ALCAM: variants seen among roughly 807,000 people sequenced by gnomAD.
ALCAM encodes CD166 antigen.
In ALCAM, 30 loss-of-function variants were observed where a neutral mutation model predicts 70.9. That is an observed-to-expected ratio of 0.42 (90% confidence interval 0.32 to 0.57). The LOEUF is 0.57. Ranked by LOEUF, ALCAM falls within the 20% of genes least tolerant of loss-of-function variation. ALCAM has a pLI of 0.11. For synonymous variants in ALCAM, 249 were observed against 242.5 expected (o/e 1.03, Z -0.25); for missense variants, 591 against 695.1 (o/e 0.85, Z 1.68).
At position 105,571,370 on chromosome 3, in the gene ALCAM, T is replaced by G. The variant is rs117583425; in HGVS notation, c.1665-482T>G. ...ATAAACTTGGTCTCAATAATCTGGTTGTTGTTGTATTCAGTAAAACAGAAT... is the reference window on the plus strand; with the variant it reads ...ATAAACTTGGTCTCAATAATCTGGTGGTTGTTGTATTCAGTAAAACAGAAT... On this transcript the variant is annotated intron_variant, in intron 14 of 15. Transcript: ENST00000306107. Among the ~76,000 whole-genome samples, 105 of 152,298 alleles carry G rather than the reference T, an allele frequency of 6.9e-4. 1 individual carries two copies. The East Asian group carries it at 0.019, about 27-fold the overall frequency.
chr3:105,552,063 C>A, intron 12 of ALCAM, 81 bp from the exon 13 acceptor site: 2 of 943,000 alleles, frequency 2.1e-6, no homozygotes, highest in Non-Finnish European at 3.1e-6. Flanking sequence ...AGTATTATTA[C>A]ATCATACTAT....
chr3:105,381,406 A>G (rs1935515968), intron 1 of ALCAM, among the ~76,000 whole-genome samples: 1 of 151,862 alleles, frequency 6.6e-6, no homozygotes, highest in South Asian at 2.1e-4. Context: ...GAGTGATGTC[A>G]TGTTTTTATG....
At chr3:105,404,675 G>GAAA (rs34622350) in intron 1 of ALCAM, among the ~76,000 whole-genome samples, 5 of 147,404 alleles carry the variant, frequency 3.4e-5, no homozygotes, top group African/African-American at 5.0e-5. Context: ...ATAACACAAT[G>GAAA]AAAAAAAAAA....
Position 105,552,604 on chromosome 3 carries a change from ATCT to A in ALCAM, c.1664+22_1664+24del, listed in dbSNP as rs1940436394. On this transcript the variant is annotated intron_variant, in intron 14 of 15. Transcript: ENST00000306107. ...AGTCAAAGTGAGTTGTGGAAAAAAG[ATCT>A]TCATCGTTCATTGACTTTCACTGGG... 6.2e-7 allele frequency: 1 copy of A among 1,610,698 alleles called. No individual in the cohort carries two copies. Among genetic ancestry groups the A allele is most frequent in the South Asian group, 1.1e-5 (1 of 90,982 alleles).
chr3:105,444,965 C>T (rs1461552190), intron 1 of ALCAM, among the ~76,000 whole-genome samples: 1 of 152,062 alleles, frequency 6.6e-6, no homozygotes, highest in African/African-American at 2.4e-5. Context: ...ATCCAGGAGA[C>T]AATCAACAGT....
rs558317215 is a variant in ALCAM, at chr3:105,541,966, T to C, written c.991+201T>C. Among the ~76,000 whole-genome samples, 39 of 152,062 alleles carry C rather than the reference T, an allele frequency of 2.6e-4. No homozygotes were observed. The South Asian group carries it at 4.3e-3, about 17-fold the overall frequency. ...ATATTGAAACCTTGCATGGCTCTGA[T>C]AACCGCAACTTTTGGCAGTGGTACA... On this transcript the variant is annotated intron_variant, in intron 8 of 15. Coordinates refer to ENST00000306107, the MANE Select transcript of ALCAM (RefSeq NM_001627.4).
chr3:105,532,604 G>A (rs575246449), intron 4 of ALCAM, among the ~76,000 whole-genome samples: 4 of 152,070 alleles, frequency 2.6e-5, no homozygotes, highest in South Asian at 4.2e-4. Context: ...GCCAGACCCT[G>A]TGTAGAAAAA....
chr3:105,546,336 T>C (rs1940246720), intron 9 of ALCAM, among the ~76,000 whole-genome samples: 1 of 151,458 alleles, frequency 6.6e-6, no homozygotes, highest in African/African-American at 2.4e-5. Context: ...AATTATTTTG[T>C]ATTGCTTTAC....
At chr3:105,475,834 T>A (rs1432427377) in intron 1 of ALCAM, among the ~76,000 whole-genome samples, 1 of 152,052 alleles carries the variant, frequency 6.6e-6, no homozygotes, top group Admixed American at 6.6e-5. Flanking sequence ...ATCATGCTCT[T>A]AAATGTCCCA....
intron 1 of ALCAM, among the ~76,000 whole-genome samples, chr3:105,432,966 A>T (rs1305447739): frequency 6.6e-6 from 1 of 152,180 alleles, no homozygotes; most frequent in Admixed American, 6.6e-5. Flanking sequence ...TATCAACACT[A>T]AAAAGATTTT....
chr3:105,385,782 G>A (rs1051116823), intron 1 of ALCAM, among the ~76,000 whole-genome samples: 3 of 151,556 alleles, frequency 2.0e-5, no homozygotes, highest in African/African-American at 7.3e-5. Flanking sequence ...AATTGTATTT[G>A]TCTGCTTAAT....
In ALCAM at chr3:105,547,446, A is replaced by G; in HGVS notation, c.1297A>G (p.Ile433Val). Reference sequence around the variant, plus strand: ...TGATCCCAGTGGACTATCTAAAACAATAATCTGCCATGTGGAAGGTTTTCC... The same window carrying G: ...TGATCCCAGTGGACTATCTAAAACAGTAATCTGCCATGTGGAAGGTTTTCC... ...KTDPSGLSKTIICHVEGFPKP... is the reference protein window; with the variant it reads ...KTDPSGLSKTVICHVEGFPKP... Residue 433 changes from isoleucine to valine, a missense_variant, in exon 11 of 16, where the codon ATA (isoleucine) becomes GTA (valine). Physicochemically the swap from Ile to Val is conservative, Grantham distance 29 (BLOSUM62 3). This residue lies in a region of ALCAM where 164 missense variants were observed against 244.7 expected (regional missense o/e 0.67). Coordinates refer to ENST00000306107, the MANE Select transcript of ALCAM (RefSeq NM_001627.4). 8.7e-6 allele frequency: 14 copies of G among 1,610,678 alleles called. No individual in the cohort carries two copies. The highest frequency in any genetic ancestry group is 4.5e-5 in the East Asian group (2 of 44,784).
intron 5 of ALCAM, among the ~76,000 whole-genome samples, chr3:105,534,398 A>T (rs1414636193): frequency 6.6e-6 from 1 of 152,170 alleles, no homozygotes; most frequent in Non-Finnish European, 1.5e-5. Context: ...GTACAGAAGA[A>T]TCAAGAGCAG....
intron 12 of ALCAM, among the ~76,000 whole-genome samples, chr3:105,551,754 C>T (rs1026715256): frequency 6.6e-6 from 1 of 151,294 alleles, no homozygotes; most frequent in African/African-American, 2.4e-5. Context: ...TCTCCTATAT[C>T]GGGCAGGAAA....
chr3:105,429,029 T>C (rs1936862651), intron 1 of ALCAM, among the ~76,000 whole-genome samples: 1 of 152,000 alleles, frequency 6.6e-6, no homozygotes, highest in Admixed American at 6.6e-5. Context: ...TTATAAAACC[T>C]ATGGTCAGAA....
In ALCAM at chr3:105,547,303, A is replaced by G. The variant is rs1490690746; in HGVS notation, c.1240+19A>G. 8 of 1,582,174 alleles carry G rather than the reference A, an allele frequency of 5.1e-6. No individual in the cohort carries two copies. Among genetic ancestry groups the G allele is most frequent in the East Asian group, 2.2e-5 (1 of 44,486 alleles). ...GTAGAAGGTAATAAAATACTTGGGC[A>G]CTAATTCAAATTGTTCTTTGAGAAT... is the stretch of plus-strand genomic sequence containing the variant. On this transcript the variant is annotated intron_variant, in intron 10 of 15. Coordinates refer to ENST00000306107, the MANE Select transcript of ALCAM (RefSeq NM_001627.4).
At chr3:105,383,258 T>G (rs914529610) in intron 1 of ALCAM, among the ~76,000 whole-genome samples, 2 of 151,784 alleles carry the variant, frequency 1.3e-5, no homozygotes, top group Non-Finnish European at 2.9e-5. Context: ...CTCTCTCCCT[T>G]AGTGAATTTT....
intron 1 of ALCAM, among the ~76,000 whole-genome samples, chr3:105,426,206 T>G (rs968081801): frequency 1.3e-5 from 2 of 151,876 alleles, no homozygotes; most frequent in Non-Finnish European, 2.9e-5. Context: ...TTCTAACTGG[T>G]AAAATTAGAA....
chr3:105,482,361 C>T (rs1310552131), intron 1 of ALCAM, among the ~76,000 whole-genome samples: 1 of 152,112 alleles, frequency 6.6e-6, no homozygotes, highest in Admixed American at 6.6e-5. Flanking sequence ...ATCTGCATAA[C>T]TTGGACTCCA....
Sources: allele counts gnomAD v4.1 joint callset (sites outside exome capture counted in the v4.1 genomes callset), GRCh38; gene constraint gnomAD v4.1.1; regional missense constraint gnomAD v4.1.1; transcripts MANE v1.5; gene names NCBI Gene and HGNC (gene_info 2026-07-23, HGNC 2026-07-21).